CD164: variants seen among roughly 807,000 people sequenced by gnomAD.
CD164 encodes sialomucin core protein 24.
In CD164, 11 loss-of-function variants were observed where a neutral mutation model predicts 24.6. That is an observed-to-expected ratio of 0.45 (90% CI 0.28 to 0.74). The LOEUF is 0.74. Ranked by LOEUF, CD164 falls within the 30% of genes least tolerant of loss-of-function variation. The pLI, the probability that CD164 is intolerant of heterozygous loss-of-function variation, is 0.13. For synonymous variants in CD164, 126 were observed against 100.3 expected (o/e 1.26, Z -1.53); for missense variants, 295 against 243.7 (o/e 1.21, Z -1.40).
intron 5 of CD164, 31 bp from the exon 6 acceptor site, chr6:109,369,048 C>T (rs1304716843): frequency 6.3e-7 from 1 of 1,588,180 alleles, no homozygotes; most frequent in Non-Finnish European, 8.6e-7. Flanking sequence ...AACAACAATC[C>T]TAAGTTTCAT....
At chr6:109,381,785 A>G (rs1392804114) in intron 1 of CD164, 2 of 568,982 alleles carry the variant, frequency 3.5e-6, no homozygotes, top group Non-Finnish European at 6.2e-6. Flanking sequence ...GTGAACAACC[A>G]GTGGCAGGGA....
chr6:109,378,068 A>G (rs1771520988), intron 2 of CD164, 97 bp from the exon 3 acceptor site: 1 of 1,032,816 alleles, frequency 9.7e-7, no homozygotes, highest in Admixed American at 1.9e-5. Context: ...AAACCCAAAC[A>G]CTTTAGAAGT....
intron 5 of CD164, among the ~76,000 whole-genome samples, chr6:109,369,579 T>C (rs755599524): frequency 3.3e-5 from 5 of 152,228 alleles, no homozygotes; most frequent in Non-Finnish European, 5.9e-5. Flanking sequence ...TGAATTCTTT[T>C]CAGGCAGTAA....
intron 2 of CD164, among the ~76,000 whole-genome samples, chr6:109,378,597 AG>A (rs966964990): frequency 2.0e-5 from 3 of 152,230 alleles, no homozygotes; most frequent in African/African-American, 7.2e-5. Context: ...TTTCCTGGAT[AG>A]GTAGACTTGG....
chr6:109,381,000 T>G (rs1381863320), intron 1 of CD164, among the ~76,000 whole-genome samples: 1 of 152,250 alleles, frequency 6.6e-6, no homozygotes, highest in Non-Finnish European at 1.5e-5. Context: ...TTTATTAAAC[T>G]TTTATAAAAT....
intron 3 of CD164, among the ~76,000 whole-genome samples, 174 bp from the exon 4 acceptor site, chr6:109,376,286 TTAGAAA>T (rs1771404110): frequency 6.6e-6 from 1 of 152,212 alleles, no homozygotes; most frequent in Non-Finnish European, 1.5e-5. Context: ...AGTCTCTTCT[TTAGAAA>T]TAGAATCACC....
At chr6:109,376,724 CA>C (rs931432523) in intron 3 of CD164, among the ~76,000 whole-genome samples, 2 of 152,312 alleles carry the variant, frequency 1.3e-5, no homozygotes, top group South Asian at 2.1e-4. Context: ...TCCTTTAAAT[CA>C]GTTTTCAAAA....
intron 4 of CD164, among the ~76,000 whole-genome samples, chr6:109,375,626 A>AAAAAAAAAAAAAAG (rs1554215557): frequency 4.1e-5 from 6 of 147,776 alleles, no homozygotes; most frequent in South Asian, 2.2e-4. Flanking sequence ...CCAAAAAAAA[A>AAAAAAAAAAAAAAG]AAAAGAAAAG....
At chr6:109,369,234 T>C (rs1770948847) in intron 5 of CD164, among the ~76,000 whole-genome samples, 1 of 152,194 alleles carries the variant, frequency 6.6e-6, no homozygotes, top group Admixed American at 6.5e-5. Flanking sequence ...ACTGTACTAG[T>C]ACAAATATAA....
Position 109,374,968 on chromosome 6 carries a change from A to G in CD164, c.370+1106T>C, listed in dbSNP as rs146004349. ...GTAGACAAAATGCTGGCTTAACCCTACCATTTACCCTAGTACTTGTCTTGG... is the reference window on the plus strand; with the variant it reads ...GTAGACAAAATGCTGGCTTAACCCTGCCATTTACCCTAGTACTTGTCTTGG... On this transcript the variant is annotated intron_variant, in intron 4 of 5. Coordinates refer to ENST00000310786, the MANE Select transcript of CD164 (RefSeq NM_006016.6). Among the ~76,000 whole-genome samples the G allele has an allele frequency of 2.5e-3, 374 of 152,284 alleles. 4 individuals carry two copies. Among genetic ancestry groups the G allele is most frequent in the African/African-American group, 8.4e-3 (351 of 41,560 alleles).
intron 1 of CD164, 150 bp downstream of exon 1, chr6:109,382,054 G>A: frequency 1.7e-6 from 1 of 593,274 alleles, no homozygotes. Context: ...ACTCCAGGCT[G>A]GCCGCCATGT....
intron 2 of CD164, among the ~76,000 whole-genome samples, chr6:109,379,369 T>C (rs1379275921): frequency 3.9e-5 from 6 of 152,134 alleles, no homozygotes; most frequent in Non-Finnish European, 8.8e-5. Context: ...GCTTTAATTA[T>C]CAAGTCTTAA....
chr6:109,367,519 A>C lies in CD164; in HGVS notation c.*1332T>G, dbSNP rs972778447. On this transcript the variant is annotated 3_prime_UTR_variant, in exon 6 of 6. Transcript: ENST00000310786. Reference sequence around the variant, plus strand: ...AGGCAAGGGAGAAGTAAACCTCTAAAACTGAAGACGACCCTCTAAAGGAGA... The same window carrying C: ...AGGCAAGGGAGAAGTAAACCTCTAACACTGAAGACGACCCTCTAAAGGAGA... The C allele has an allele frequency of 1.8e-4, 27 of 152,486 alleles. No homozygotes were observed. Among genetic ancestry groups the C allele is most frequent in the African/African-American group, 6.5e-4 (27 of 41,458 alleles). 9.4% of individuals were successfully genotyped at this position (152,486 alleles called of 1,614,324 possible).
chr6:109,381,414 A>T lies in CD164; in HGVS notation c.175+790T>A, dbSNP rs1771734320. 1.2e-5 allele frequency: 8 copies of T among 680,966 alleles called. No individual in the cohort carries two copies. In the East Asian group the frequency reaches 1.9e-4, roughly 16 times the overall value. The allele number at this position is 680,966 out of a possible 1,614,324, so 42.2% of individuals were successfully genotyped here. A position where few individuals can be genotyped will look rare whatever the true frequency, so the allele number is the denominator to read the frequency against. On this transcript the variant is annotated intron_variant, in intron 1 of 5. Transcript: ENST00000310786. ...CACAGGACATAGTTAAGAAAATTTT[A>T]AAAACAATTGAAAAAAGAATAAACA... is the stretch of plus-strand genomic sequence containing the variant.
intron 3 of CD164, among the ~76,000 whole-genome samples, chr6:109,377,671 A>G (rs1771490087): frequency 6.6e-6 from 1 of 151,436 alleles, no homozygotes; most frequent in Non-Finnish European, 1.5e-5. Context: ...GTGTGGGGGC[A>G]GACAACGCAT....
At position 109,367,342 on chromosome 6, in the gene CD164, A is replaced by T. The variant is rs1176479488; in HGVS notation, c.*1509T>A. 6.6e-6 allele frequency: 1 copy of T among 152,588 alleles called. No homozygotes were observed. The highest frequency in any genetic ancestry group is 1.5e-5 in the Non-Finnish European group (1 of 68,006). 9.5% of individuals were successfully genotyped at this position (152,588 alleles called of 1,614,324 possible). A position where few individuals can be genotyped will look rare whatever the true frequency, so the allele number is the denominator to read the frequency against. On this transcript the variant is annotated 3_prime_UTR_variant, in exon 6 of 6. Transcript: ENST00000310786. ...GTTTGTTTATGAAATGAAACAAAGC[A>T]GTTTGTCATTTCTTACTATAAAATA...
Position 109,368,715 on chromosome 6 carries a change from A to T in CD164, c.*136T>A. On this transcript the variant is annotated 3_prime_UTR_variant, in exon 6 of 6. Coordinates refer to ENST00000310786, the MANE Select transcript of CD164 (RefSeq NM_006016.6). ...TTTTCTTCACGGATGATGCTCCCAAACATCCTATATGCATCCATGGAAATT... is the reference window on the plus strand; with the variant it reads ...TTTTCTTCACGGATGATGCTCCCAATCATCCTATATGCATCCATGGAAATT... 1.4e-6 allele frequency: 2 copies of T among 1,405,906 alleles called. No individual in the cohort carries two copies. The highest frequency in any genetic ancestry group is 1.8e-6 in the Non-Finnish European group (2 of 1,083,924). The allele number at this position is 1,405,906 out of a possible 1,614,324, so 87.1% of individuals were successfully genotyped here.
In CD164 at chr6:109,366,827, T is replaced by C. The variant is rs1582460887; in HGVS notation, c.*2024A>G. ...CTGTGAGTTCTGTTGCAAGAGCTCA[T>C]TTGTAGACTTGCAAAATCTAACTAA... On this transcript the variant is annotated 3_prime_UTR_variant, in exon 6 of 6. Transcript: ENST00000310786. The C allele has an allele frequency of 6.6e-6, 1 of 152,552 alleles. No homozygotes were observed. Among genetic ancestry groups the C allele is most frequent in the African/African-American group, 2.4e-5 (1 of 41,460 alleles). The allele number at this position is 152,552 out of a possible 1,614,324, so 9.4% of individuals were successfully genotyped here.
intron 4 of CD164, among the ~76,000 whole-genome samples, chr6:109,374,477 CTCTA>C (rs1771283079): frequency 6.6e-6 from 1 of 152,190 alleles, no homozygotes; most frequent in South Asian, 2.1e-4. Flanking sequence ...TGCAGCCCAC[CTCTA>C]TCTGTTCTCT....
Sources: allele counts gnomAD v4.1 joint callset (sites outside exome capture counted in the v4.1 genomes callset), GRCh38; gene constraint gnomAD v4.1.1; transcripts MANE v1.5; gene names NCBI Gene and HGNC (gene_info 2026-07-23, HGNC 2026-07-21).